CACNA1C: variants seen among roughly 807,000 people sequenced by gnomAD.
CACNA1C encodes voltage-dependent L-type calcium channel subunit alpha-1C.
In CACNA1C, 30 loss-of-function variants were observed where a neutral mutation model predicts 229.0. The observed-to-expected ratio is 0.13, with a 90% CI of 0.10 to 0.18. The LOEUF is 0.18. Ranked by LOEUF, CACNA1C falls within the 10% of genes least tolerant of loss-of-function variation. The pLI is 1.00. For synonymous variants in CACNA1C, 1,114 were observed against 1,132.5 expected (o/e 0.98, Z 0.33); for missense variants, 1,658 against 2,845.0 (o/e 0.58, Z 9.49).
intron 9 of CACNA1C, among the ~76,000 whole-genome samples, chr12:2,529,112 A>G (rs2099834875): frequency 6.6e-6 from 1 of 152,238 alleles, no homozygotes; most frequent in South Asian, 2.1e-4. Context: ...TTAGCTGCAT[A>G]TGTTTTAAAA....
At chr12:2,337,949 G>C (rs1248831830) in intron 3 of CACNA1C, among the ~76,000 whole-genome samples, 4 of 152,178 alleles carry the variant, frequency 2.6e-5, no homozygotes, top group Non-Finnish European at 5.9e-5. Context: ...GCAGCCCCCA[G>C]GCAGATCTCC....
In CACNA1C at chr12:2,115,534, T is replaced by C. The variant is rs2154137225; in HGVS notation, c.360T>C (p.Ile120=). Reference sequence around the variant, plus strand: ...CCATCCGGAGGGCCTGCATCAGCATTGTCGAATGGAAATATCCTTTGTTCA... The same window carrying C: ...CCATCCGGAGGGCCTGCATCAGCATCGTCGAATGGAAATATCCTTTGTTCA... ...KNPIRRACIS[I]VEWKPFEIII... is the part of the protein sequence containing the mutation. The change falls in exon 2 of 47, where the codon ATT becomes ATC. Residue 120 remains isoleucine (I), a synonymous_variant. Coordinates refer to ENST00000399655, the MANE Select transcript of CACNA1C (RefSeq NM_000719.7). 1 of 1,613,310 alleles carries C rather than the reference T, an allele frequency of 6.2e-7. No homozygotes were observed. The highest frequency in any genetic ancestry group is 8.5e-7 in the Non-Finnish European group (1 of 1,179,842).
At chr12:2,277,537 A>G (rs1489656825) in intron 3 of CACNA1C, among the ~76,000 whole-genome samples, 4 of 152,076 alleles carry the variant, frequency 2.6e-5, no homozygotes, top group Non-Finnish European at 4.4e-5. Context: ...CTGCTCAGAA[A>G]TCTAAGGAGG....
intron 1 of CACNA1C, among the ~76,000 whole-genome samples, chr12:2,110,397 A>G (rs2081196576): frequency 6.6e-6 from 1 of 152,200 alleles, no homozygotes; most frequent in Non-Finnish European, 1.5e-5. Context: ...GCAGCTGCTC[A>G]GGGCCTTGTT....
chr12:2,511,474 A>G (rs888621067), intron 8 of CACNA1C, among the ~76,000 whole-genome samples: 2 of 152,122 alleles, frequency 1.3e-5, no homozygotes, highest in Non-Finnish European at 2.9e-5. Context: ...AAATTCTCCA[A>G]GGTGCTTCCA....
chr12:2,266,513 G>A (rs1046666035), intron 3 of CACNA1C, among the ~76,000 whole-genome samples: 1 of 152,246 alleles, frequency 6.6e-6, no homozygotes, highest in African/African-American at 2.4e-5. Flanking sequence ...GGCATGATGT[G>A]CTTGCACTCC....
chr12:2,053,064 G>T lies in CACNA1C; in HGVS notation c.-499G>T. Reference sequence around the variant, plus strand: ...CGCGGCGCGGCGGGCCCGGAGCGGCGGCGGCGGCTCTTCCTGCCTCCGCGC... The same window carrying T: ...CGCGGCGCGGCGGGCCCGGAGCGGCTGCGGCGGCTCTTCCTGCCTCCGCGC... On this transcript the variant is annotated 5_prime_UTR_variant, in exon 1 of 47. Coordinates refer to ENST00000399655, the MANE Select transcript of CACNA1C (RefSeq NM_000719.7). The surrounding 1 kb of genome is among the most constrained non-coding windows in gnomAD (Gnocchi z 5.8). 1.0e-6 allele frequency: 1 copy of T among 983,690 alleles called. No individual in the cohort carries two copies. Among genetic ancestry groups the T allele is most frequent in the Non-Finnish European group, 1.2e-6 (1 of 829,034 alleles). 60.9% of individuals were successfully genotyped at this position (983,690 alleles called of 1,614,324 possible). A position where few individuals can be genotyped will look rare whatever the true frequency, so the allele number is the denominator to read the frequency against.
At chr12:2,356,823 T>A (rs2097377672) in intron 3 of CACNA1C, among the ~76,000 whole-genome samples, 1 of 152,158 alleles carries the variant, frequency 6.6e-6, no homozygotes, top group African/African-American at 2.4e-5. Context: ...TCCCCTCCCC[T>A]CCACCTGCAT....
chr12:2,123,668 A>G lies in CACNA1C; in HGVS notation c.477+3238A>G, dbSNP rs545432832. Among the ~76,000 whole-genome samples, 155 of 152,230 alleles carry G rather than the reference A, an allele frequency of 1.0e-3. 1 individual carries two copies. Among genetic ancestry groups the G allele is most frequent in the Middle Eastern group, 6.8e-3 (2 of 294 alleles). On this transcript the variant is annotated intron_variant, in intron 3 of 46. Coordinates refer to ENST00000399655, the MANE Select transcript of CACNA1C (RefSeq NM_000719.7). ...CTTTTCCCTTGGCCGGGTTGATGGC[A>G]TTGCTGGCCTTGCTGTCACATGGAA...
chr12:2,087,334 G>A (rs2068089765), intron 1 of CACNA1C, among the ~76,000 whole-genome samples: 1 of 152,166 alleles, frequency 6.6e-6, no homozygotes, highest in African/African-American at 2.4e-5. Context: ...ACTCTGTCCT[G>A]TGCTTTGAAG....
At chr12:2,012,532 A>C (rs1309825034) in intron 1 of CACNA1C, among the ~76,000 whole-genome samples, 2 of 152,258 alleles carry the variant, frequency 1.3e-5, no homozygotes, top group African/African-American at 4.8e-5. Context: ...TTATTTAAAC[A>C]AATCCATACG....
At chr12:2,091,793 G>A (rs144004269) in intron 1 of CACNA1C, among the ~76,000 whole-genome samples, 1 of 152,322 alleles carries the variant, frequency 6.6e-6, no homozygotes, top group African/African-American at 2.4e-5. Flanking sequence ...TCTTTTGTAG[G>A]GAGGGTTCTT....
chr12:2,163,656 T>A (rs1019314145), intron 3 of CACNA1C, among the ~76,000 whole-genome samples: 16 of 152,312 alleles, frequency 1.1e-4, no homozygotes, highest in African/African-American at 3.4e-4. Flanking sequence ...GCCAGAAGAC[T>A]TTGGCAGGCG....
At chr12:2,367,616 A>G (rs903610210) in intron 3 of CACNA1C, among the ~76,000 whole-genome samples, 1 of 152,222 alleles carries the variant, frequency 6.6e-6, no homozygotes, top group South Asian at 2.1e-4. Flanking sequence ...AAGTTTAATT[A>G]ATTAATTAGG....
rs1185961245 is a variant in CACNA1C at position 2,403,781 on chromosome 12, A to C, written c.478-45195A>C. 1.3e-5 allele frequency among the ~76,000 whole-genome samples: 2 copies of C among 152,138 alleles called. No homozygotes were observed. Among genetic ancestry groups the C allele is most frequent in the Non-Finnish European group, 1.5e-5 (1 of 68,020 alleles). On this transcript the variant is annotated intron_variant, in intron 3 of 46. Transcript: ENST00000399655. This position sits in a 1 kb window ranked among gnomAD's most constrained non-coding sequence, Gnocchi z 4.1. ...GCCACATCACTCAGGGGCTGCGTGGAGCACTCGGTGCCTTTCCCACCACAA... is the reference window on the plus strand; with the variant it reads ...GCCACATCACTCAGGGGCTGCGTGGCGCACTCGGTGCCTTTCCCACCACAA...
intron 3 of CACNA1C, among the ~76,000 whole-genome samples, chr12:2,126,407 T>C (rs1305080197): frequency 6.6e-6 from 1 of 152,266 alleles, no homozygotes; most frequent in Admixed American, 6.5e-5. Context: ...GTCTGATGTC[T>C]GTTGAACAAG....
In CACNA1C at chr12:2,319,338, A is replaced by G. The variant is rs1303345601; in HGVS notation, c.478-129638A>G. Among the ~76,000 whole-genome samples, 1 of 151,964 alleles carries G rather than the reference A, an allele frequency of 6.6e-6. No individual in the cohort carries two copies. The highest frequency in any genetic ancestry group is 2.4e-5 in the African/African-American group (1 of 41,356). On this transcript the variant is annotated intron_variant, in intron 3 of 46. Transcript: ENST00000399655. This position sits in a 1 kb window ranked among gnomAD's most constrained non-coding sequence, Gnocchi z 4.0. ...ATGGGGGTGCCGTGCATGGTGGGCAACATACATGGGGGCAGTGTGCTTGGT... is the reference window on the plus strand; with the variant it reads ...ATGGGGGTGCCGTGCATGGTGGGCAGCATACATGGGGGCAGTGTGCTTGGT...
chr12:2,002,033 G>C (rs900621462), intron 1 of CACNA1C, among the ~76,000 whole-genome samples: 2 of 152,214 alleles, frequency 1.3e-5, no homozygotes, highest in African/African-American at 4.8e-5. Flanking sequence ...CCTGGCAACA[G>C]GGAGTAGGTC....
At chr12:2,526,833 G>A (rs945244438) in intron 9 of CACNA1C, among the ~76,000 whole-genome samples, 2 of 152,256 alleles carry the variant, frequency 1.3e-5, no homozygotes, top group Non-Finnish European at 2.9e-5. Context: ...AAAAATACAC[G>A]TCCATTGCAA....
Sources: gnomAD v4.1 joint callset for allele counts (sites outside exome capture counted in the v4.1 genomes callset) on GRCh38, gnomAD v4.1.1 for gene constraint, Gnocchi (gnomAD v3.1) non-coding constraint, MANE v1.5 for transcripts, NCBI Gene and HGNC (gene_info 2026-07-23, HGNC 2026-07-21) for gene names.